EP300: variants seen among roughly 807,000 people sequenced by gnomAD.
EP300 encodes the protein EP300 lysine acetyltransferase.
Under a neutral mutation model 264.0 loss-of-function variants are expected in EP300, and 31 were observed. The ratio of observed to expected loss-of-function variants is 0.12; its 90% confidence interval spans 0.09 to 0.16. EP300 has a LOEUF of 0.16. Ranked by LOEUF, EP300 falls within the 10% of genes least tolerant of loss-of-function variation. The pLI is 1.00. For synonymous variants in EP300, 1,340 were observed against 1,045.4 expected (o/e 1.28, Z -5.44); for missense variants, 2,766 against 3,052.9 (o/e 0.91, Z 2.21).
intron 20 of EP300, among the ~76,000 whole-genome samples, chr22:41,161,260 A>C (rs1413067202): frequency 6.6e-6 from 1 of 152,216 alleles, no homozygotes; most frequent in African/African-American, 2.4e-5. Context: ...TGTGCTTTGC[A>C]GTCTCACAAG....
Position 41,179,364 on chromosome 22 carries a change from A to C in EP300, c.*408A>C, listed in dbSNP as rs1206522749. On this transcript the variant is annotated 3_prime_UTR_variant, in exon 31 of 31. Coordinates refer to ENST00000263253, the MANE Select transcript of EP300 (RefSeq NM_001429.4). ...GTGCAGATGGTTGACATTTTTCCCTATTTTCCTCACTTTATGGAAGAGTTA... is the reference window on the plus strand; with the variant it reads ...GTGCAGATGGTTGACATTTTTCCCTCTTTTCCTCACTTTATGGAAGAGTTA... 4.5e-6 allele frequency: 1 copy of C among 220,866 alleles called. No homozygotes were observed. The highest frequency in any genetic ancestry group is 2.3e-5 in the African/African-American group (1 of 44,058). 13.7% of individuals were successfully genotyped at this position (220,866 alleles called of 1,614,324 possible). A position where few individuals can be genotyped will look rare whatever the true frequency, so the allele number is the denominator to read the frequency against.
chr22:41,136,289 G>A (rs1367458809), intron 7 of EP300, among the ~76,000 whole-genome samples: 1 of 152,232 alleles, frequency 6.6e-6, no homozygotes, highest in Non-Finnish European at 1.5e-5. Context: ...CTCCCGAAGT[G>A]CTGGGATTGC....
chr22:41,097,024 CTA>C, intron 1 of EP300, among the ~76,000 whole-genome samples: 1 of 152,140 alleles, frequency 6.6e-6, no homozygotes. Flanking sequence ...TTGTGATATG[CTA>C]TGTTTTATTT....
chr22:41,177,692 C>G lies in EP300; in HGVS notation c.5981C>G (p.Pro1994Arg), dbSNP rs2059210040. Residue 1994 changes from proline (P) to arginine (R), a missense_variant, in exon 31 of 31, where the codon CCC becomes CGC. Physicochemically the swap from Pro to Arg is moderately radical, Grantham distance 103 (BLOSUM62 -2). Coordinates refer to ENST00000263253, the MANE Select transcript of EP300 (RefSeq NM_001429.4). Reference protein sequence around the residue: ...MGPTGMQQQPPWSQGGLPQPQ... With the variant: ...MGPTGMQQQPRWSQGGLPQPQ... ...CCGACAGGGATGCAGCAACAGCCAC[C>G]CTGGAGCCAAGGAGGATTGCCTCAG... 1.9e-6 allele frequency: 3 copies of G among 1,613,774 alleles called. No homozygotes were observed. Among genetic ancestry groups the G allele is most frequent in the Non-Finnish European group, 2.5e-6 (3 of 1,180,020 alleles).
At chr22:41,145,837 G>A (rs1278647550) in intron 10 of EP300, among the ~76,000 whole-genome samples, 18 of 151,752 alleles carry the variant, frequency 1.2e-4, no homozygotes, top group African/African-American at 4.1e-4. Flanking sequence ...GGGTTTCACC[G>A]TGCTATCTAG....
chr22:41,137,767 T>G lies in EP300; in HGVS notation c.1737T>G (p.Leu579=), dbSNP rs1276549271. 1.2e-6 allele frequency: 2 copies of G among 1,614,214 alleles called. No homozygotes were observed. Among genetic ancestry groups the G allele is most frequent in the Middle Eastern group, 3.3e-4 (2 of 6,062 alleles). ...GGCACGAAGATATTACTCAGGATCTTCGAAATCATCTTGTTCACAAACTGT... is the reference window on the plus strand; with the variant it reads ...GGCACGAAGATATTACTCAGGATCTGCGAAATCATCTTGTTCACAAACTGT... The part of the protein sequence containing the change: ...KQWHEDITQD[L]RNHLVHKLVQ... The change falls in exon 8 of 31, where the codon CTT becomes CTG. Residue 579 remains leucine (L), a synonymous_variant. Transcript: ENST00000263253.
intron 16 of EP300, 32 bp downstream of exon 16, chr22:41,152,382 A>G (rs1318187793): frequency 1.3e-6 from 2 of 1,597,170 alleles, no homozygotes; most frequent in Admixed American, 3.5e-5. Context: ...TTCTGGAGGT[A>G]GCTGAAGAAA....
chr22:41,170,653 CTTTTTTT>C lies in EP300; in HGVS notation c.4452+102_4452+108del, dbSNP rs35506286. ...TGCTGCTCTTTGTTCTGTCATTTAA[CTTTTTTT>C]TTTTTTTTTTTTTTTTTTTGAGACG... On this transcript the variant is annotated intron_variant, in intron 27 of 30. Coordinates refer to ENST00000263253, the MANE Select transcript of EP300 (RefSeq NM_001429.4). 0.02 allele frequency: 7,836 copies of C among 390,972 alleles called. 173 individuals are homozygous for C. The East Asian group carries it at 0.21, about 10-fold the overall frequency. 24.2% of individuals were successfully genotyped at this position (390,972 alleles called of 1,614,324 possible).
chr22:41,147,087 C>G (rs2059015310), intron 11 of EP300, among the ~76,000 whole-genome samples: 1 of 151,068 alleles, frequency 6.6e-6, no homozygotes, highest in Non-Finnish European at 1.5e-5. Flanking sequence ...GGTGTACCAC[C>G]TGAGGTCAAA....
At position 41,179,880 on chromosome 22, in the gene EP300, TCACACACACACACACA is replaced by T. The variant is rs59721178; in HGVS notation, c.*952_*967del. ...TCTTCCTCCTTACCCTACCCCCCAC[TCACACACACACACACA>T]CACACACACACACACACACACACAC... is the stretch of plus-strand genomic sequence containing the variant. On this transcript the variant is annotated 3_prime_UTR_variant, in exon 31 of 31. Coordinates refer to ENST00000263253, the MANE Select transcript of EP300 (RefSeq NM_001429.4). 1,431 of 165,238 alleles carry T rather than the reference TCACACACACACACACA, an allele frequency of 8.7e-3. 3 individuals carry two copies. Among genetic ancestry groups the T allele is most frequent in the Non-Finnish European group, 0.012 (942 of 79,566 alleles). The allele number at this position is 165,238 out of a possible 1,614,324, so 10.2% of individuals were successfully genotyped here. A position where few individuals can be genotyped will look rare whatever the true frequency, so the allele number is the denominator to read the frequency against.
Position 41,172,604 on chromosome 22 carries a change from C to T in EP300, c.4558C>T (p.Leu1520=), listed in dbSNP as rs761660410. The change falls in exon 28 of 31, where the codon CTG becomes TTG. Residue 1520 remains leucine, a synonymous_variant. Transcript: ENST00000263253. ...PNVLEESIKE[L]EQEEEERKRE... ...TGTTCTGGAAGAAAGCATTAAGGAA[C>T]TGGAACAGGAGGAAGAAGAGAGAAA... The T allele has an allele frequency of 6.2e-7, 1 of 1,614,032 alleles. No homozygotes were observed. Among genetic ancestry groups the T allele is most frequent in the South Asian group, 1.1e-5 (1 of 91,080 alleles).
chr22:41,116,794 C>T (rs546946548), intron 1 of EP300, among the ~76,000 whole-genome samples: 9 of 152,114 alleles, frequency 5.9e-5, no homozygotes, highest in Non-Finnish European at 1.3e-4. Flanking sequence ...TGTGTGGTGG[C>T]TCACACCTGT....
intron 2 of EP300, among the ~76,000 whole-genome samples, chr22:41,119,004 C>CT (rs972813377): frequency 0.23 from 29,931 of 130,900 alleles, 4,521 homozygotes; most frequent in Admixed American, 0.41. Context: ...CCCCCGCCAC[C>CT]TTTTTTTTTT....
rs1435213312 is a variant in EP300 at position 41,101,323 on chromosome 22, G to T, written c.94+8225G>T. On this transcript the variant is annotated intron_variant, in intron 1 of 30. Coordinates refer to ENST00000263253, the MANE Select transcript of EP300 (RefSeq NM_001429.4). ...CTCCTGACCTCAGTCTGCCCACCTC[G>T]GCCTCCCAAAGTGCTGGTATTAGAG... 2.0e-5 allele frequency among the ~76,000 whole-genome samples: 3 copies of T among 151,906 alleles called. No individual in the cohort carries two copies. In the East Asian group the frequency reaches 5.8e-4, roughly 29 times the overall value.
chr22:41,170,326 C>T (rs1486327684), intron 26 of EP300, 80 bp from the exon 27 acceptor site: 24 of 1,382,268 alleles, frequency 1.7e-5, no homozygotes, highest in Middle Eastern at 1.8e-4. Context: ...TCTATATCAA[C>T]TCCAACTTGT....
intron 20 of EP300, among the ~76,000 whole-genome samples, chr22:41,162,084 G>A (rs1024747227): frequency 6.6e-6 from 1 of 152,160 alleles, no homozygotes; most frequent in African/African-American, 2.4e-5. Flanking sequence ...AATTCTGCAG[G>A]CCTGTAGTGG....
chr22:41,150,710 G>A (rs1315401164), intron 14 of EP300, among the ~76,000 whole-genome samples: 1 of 151,938 alleles, frequency 6.6e-6, no homozygotes, highest in Non-Finnish European at 1.5e-5. Flanking sequence ...CCAACATGGT[G>A]AAACCCTGTC....
At chr22:41,133,556 T>C (rs1267177111) in intron 6 of EP300, among the ~76,000 whole-genome samples, 1 of 152,164 alleles carries the variant, frequency 6.6e-6, no homozygotes, top group Non-Finnish European at 1.5e-5. Flanking sequence ...TATTTGCTGG[T>C]TGAGTTGAGA....
intron 6 of EP300, among the ~76,000 whole-genome samples, chr22:41,132,682 C>T (rs1160763036): frequency 2.0e-5 from 3 of 152,126 alleles, no homozygotes. Context: ...GCATTTTGGG[C>T]TGAAACATAT....
Sources: gnomAD v4.1 joint callset for allele counts (sites outside exome capture counted in the v4.1 genomes callset) on GRCh38, gnomAD v4.1.1 for gene constraint, MANE v1.5 for transcripts, NCBI Gene and HGNC (gene_info 2026-07-23, HGNC 2026-07-21) for gene names.